Variants in LARP1 observed in about 807,000 individuals in gnomAD.
LARP1 encodes La ribonucleoprotein 1, translational regulator.
LARP1 carries 36 observed loss-of-function variants against 122.7 expected under a neutral mutation model. The ratio of observed to expected loss-of-function variants is 0.29; its 90% CI spans 0.22 to 0.39. The LOEUF is 0.39. LARP1 is among the 10% of genes least tolerant of loss of function. The probability of loss-of-function intolerance (pLI) is 1.00; values close to 1 mark genes in which losing one functional copy is unlikely to be tolerated. For synonymous variants in LARP1, 539 were observed against 528.7 expected (o/e 1.02, Z -0.27); for missense variants, 1,040 against 1,403.6 (o/e 0.74, Z 4.14).
chr5:154,766,816 C>T (rs1406054128), intron 1 of LARP1, among the ~76,000 whole-genome samples: 1 of 152,182 alleles, frequency 6.6e-6, no homozygotes, highest in East Asian at 1.9e-4. Flanking sequence ...TTAGGCTTAC[C>T]CAGCCCAGTT....
At chr5:154,768,994 C>T (rs934684164) in intron 1 of LARP1, among the ~76,000 whole-genome samples, 23 of 152,114 alleles carry the variant, frequency 1.5e-4, no homozygotes, top group Admixed American at 3.3e-4. Context: ...GTGCCTATCA[C>T]GCCTGGCTAA....
chr5:154,707,167 C>T (rs1025879926), intron 1 of LARP1, among the ~76,000 whole-genome samples: 2 of 152,046 alleles, frequency 1.3e-5, no homozygotes, highest in African/African-American at 4.8e-5. Flanking sequence ...GCCTGCAATC[C>T]CAGCACTTTG....
intron 1 of LARP1, among the ~76,000 whole-genome samples, chr5:154,774,867 G>A (rs529007181): frequency 3.9e-5 from 6 of 152,306 alleles, no homozygotes; most frequent in Middle Eastern, 3.4e-3. Context: ...AAGTCTCTCA[G>A]GTGGCACCAG....
In LARP1 at chr5:154,800,059, C is replaced by T; in HGVS notation, c.1716+17C>T. ...CGGCCCAAGGTGGGTGAGGCCTTGT[C>T]CCTTGCCTTGGTTCTAGCACTCTGA... is the stretch of plus-strand genomic sequence containing the variant. On this transcript the variant is annotated intron_variant, in intron 10 of 18. Transcript: ENST00000518297. 1 of 1,610,730 alleles carries T rather than the reference C, an allele frequency of 6.2e-7. No homozygotes were observed. Among genetic ancestry groups the T allele is most frequent in the Non-Finnish European group, 8.5e-7 (1 of 1,178,680 alleles).
intron 1 of LARP1, among the ~76,000 whole-genome samples, chr5:154,693,024 T>C (rs1754299048): frequency 6.7e-6 from 1 of 149,608 alleles, no homozygotes; most frequent in Non-Finnish European, 1.5e-5. Flanking sequence ...AAAGTCTCAT[T>C]ATGTTGCCCC....
intron 1 of LARP1, among the ~76,000 whole-genome samples, chr5:154,703,629 T>C: frequency 6.6e-6 from 1 of 151,962 alleles, no homozygotes. Context: ...AACATTTTTT[T>C]GTTTATTTTC....
At chr5:154,701,961 A>G (rs1475726343) in intron 1 of LARP1, among the ~76,000 whole-genome samples, 1 of 152,122 alleles carries the variant, frequency 6.6e-6, no homozygotes, top group Non-Finnish European at 1.5e-5. Context: ...AAGTTAGGAT[A>G]TAAGCCACCA....
At chr5:154,783,658 C>T in intron 1 of LARP1, among the ~76,000 whole-genome samples, 1 of 152,102 alleles carries the variant, frequency 6.6e-6, no homozygotes, top group Admixed American at 6.6e-5. Context: ...GTCTTGGGTT[C>T]CTCGTTTTAA....
intron 1 of LARP1, among the ~76,000 whole-genome samples, chr5:154,760,042 C>A (rs1251465553): frequency 6.6e-6 from 1 of 152,012 alleles, no homozygotes; most frequent in African/African-American, 2.4e-5. Flanking sequence ...CGGGTTCAAG[C>A]GATTCTCCTG....
At chr5:154,711,136 T>C (rs1339186686), upstream of LARP1, among the ~76,000 whole-genome samples, 1 of 149,384 alleles carries the variant, frequency 6.7e-6, no homozygotes, top group East Asian at 1.9e-4. Flanking sequence ...TTCTTCAGTG[T>C]GGTACTTTTT....
intron 1 of LARP1, among the ~76,000 whole-genome samples, chr5:154,739,246 T>G (rs949324057): frequency 3.3e-5 from 5 of 152,122 alleles, no homozygotes; most frequent in Non-Finnish European, 7.4e-5. Flanking sequence ...GGTCTCGATC[T>G]CCTGACCTCG....
In LARP1 at chr5:154,811,466, GCTT is replaced by G. The variant is rs1309559335; in HGVS notation, c.2954-43_2954-41del. 16 of 1,613,320 alleles carry G rather than the reference GCTT, an allele frequency of 9.9e-6. No individual in the cohort carries two copies. The Admixed American group carries it at 2.3e-4, about 24-fold the overall frequency. ...CACAACACCTCCCTCTCTCCTCTGAGCTTCTTTATCCTCACCAGCTCAGCTTTT... is the reference window on the plus strand; with the variant it reads ...CACAACACCTCCCTCTCTCCTCTGAGCTTTATCCTCACCAGCTCAGCTTTT... On this transcript the variant is annotated intron_variant, in intron 17 of 18. Coordinates refer to ENST00000518297, the MANE Select transcript of LARP1 (RefSeq NM_033551.3).
chr5:154,793,773 C>A (rs1220882103), intron 5 of LARP1, 27 bp from the exon 6 acceptor site: 1 of 1,614,024 alleles, frequency 6.2e-7, no homozygotes, highest in African/African-American at 1.3e-5. Flanking sequence ...CACCCTCAGG[C>A]CTGACCTGGT....
intron 1 of LARP1, among the ~76,000 whole-genome samples, chr5:154,703,909 C>CAGGGAATA (rs1754832376): frequency 6.6e-6 from 1 of 152,258 alleles, no homozygotes; most frequent in South Asian, 2.1e-4. Context: ...GCATGAGCCA[C>CAGGGAATA]CGCGCCCAGC....
At chr5:154,779,242 T>C (rs1756194474) in intron 1 of LARP1, among the ~76,000 whole-genome samples, 1 of 152,198 alleles carries the variant, frequency 6.6e-6, no homozygotes, top group Non-Finnish European at 1.5e-5. Flanking sequence ...CTCATGAACC[T>C]AGTTGCTTGG....
At chr5:154,762,864 C>T (rs1178345458) in intron 1 of LARP1, among the ~76,000 whole-genome samples, 1 of 152,110 alleles carries the variant, frequency 6.6e-6, no homozygotes, top group East Asian at 1.9e-4. Flanking sequence ...CCACAGTAGC[C>T]AGGAGCCATC....
upstream of LARP1, among the ~76,000 whole-genome samples, chr5:154,751,312 A>G (rs1197973321): frequency 3.9e-5 from 6 of 152,116 alleles, no homozygotes; most frequent in East Asian, 5.8e-4. Flanking sequence ...CTGAATTTCA[A>G]TTGCCTTCCT....
At chr5:154,774,312 C>G (rs1376801825) in intron 1 of LARP1, among the ~76,000 whole-genome samples, 1 of 152,210 alleles carries the variant, frequency 6.6e-6, no homozygotes, top group African/African-American at 2.4e-5. Flanking sequence ...ATCACTGCAT[C>G]CCTGCCCCAT....
intron 1 of LARP1, among the ~76,000 whole-genome samples, chr5:154,781,593 C>CA (rs918795389): frequency 1.8e-4 from 26 of 142,606 alleles, no homozygotes; most frequent in African/African-American, 3.7e-4. Context: ...GACTCCGTCT[C>CA]AAAAAAAAGG....
Sources: gnomAD v4.1 joint callset for allele counts (sites outside exome capture counted in the v4.1 genomes callset) on GRCh38, gnomAD v4.1.1 for gene constraint, MANE v1.5 for transcripts, NCBI Gene and HGNC (gene_info 2026-07-23, HGNC 2026-07-21) for gene names.